GAK: variants seen among roughly 807,000 people sequenced by gnomAD.
GAK encodes cyclin G associated kinase, also known as cyclin-G-associated kinase.
In GAK, 79 loss-of-function variants were observed where a neutral mutation model predicts 143.9. That is an observed-to-expected ratio of 0.55 (90% CI 0.46 to 0.66). GAK has a LOEUF of 0.66. Ranked by LOEUF, GAK falls within the 30% of genes least tolerant of loss-of-function variation. The pLI is 0.00. For missense variants in GAK, 1,693 were observed against 1,779.7 expected (o/e 0.95, Z 0.88); for synonymous variants, 881 against 765.5 (o/e 1.15, Z -2.49).
Position 849,791 on chromosome 4 carries a change from G to GTGTAA in GAK, c.3835-22_3835-18dup, listed in dbSNP as rs754453426. ...CCCCGCAGCCTATGGGTGACAGGCG[G>GTGTAA]TGTAAGCGCCTCTTATAAGCATGCG... On this transcript the variant is annotated splice_polypyrimidine_tract_variant and intron_variant, in intron 27 of 27. Transcript: ENST00000314167. The GTGTAA allele has an allele frequency of 3.1e-6, 5 of 1,601,954 alleles. No homozygotes were observed. In the South Asian group the frequency reaches 5.5e-5, roughly 18 times the overall value.
intron 21 of GAK, 118 bp from the exon 22 acceptor site, chr4:866,652 G>T: frequency 2.7e-6 from 3 of 1,129,108 alleles, no homozygotes; most frequent in Non-Finnish European, 2.5e-6. Flanking sequence ...CAGACCCCAC[G>T]GCTGCCCTCG....
At chr4:925,529 A>G (rs1263203722) in intron 1 of GAK, among the ~76,000 whole-genome samples, 2 of 152,162 alleles carry the variant, frequency 1.3e-5, no homozygotes, top group African/African-American at 2.4e-5. Flanking sequence ...ACATACCAAC[A>G]TTTTCAATAC....
intron 1 of GAK, among the ~76,000 whole-genome samples, chr4:930,322 T>A (rs936094810): frequency 1.8e-4 from 28 of 152,124 alleles, no homozygotes; most frequent in Non-Finnish European, 3.7e-4. Context: ...TATTTTTATC[T>A]CCTGACTTGC....
intron 5 of GAK, among the ~76,000 whole-genome samples, 186 bp from the exon 6 acceptor site, chr4:898,344 G>A (rs1560392018): frequency 6.6e-6 from 1 of 152,238 alleles, no homozygotes; most frequent in East Asian, 1.9e-4. Flanking sequence ...AGCAGCTCGG[G>A]GTGCAGGGGC....
chr4:856,176 GC>G (rs1302948998), intron 24 of GAK, among the ~76,000 whole-genome samples: 1 of 135,830 alleles, frequency 7.4e-6, no homozygotes, highest in African/African-American at 2.6e-5. Flanking sequence ...CACCACAGCT[GC>G]TCACACCTGC....
At chr4:856,961 A>G (rs1749404400) in intron 24 of GAK, among the ~76,000 whole-genome samples, 1 of 152,180 alleles carries the variant, frequency 6.6e-6, no homozygotes, top group Non-Finnish European at 1.5e-5. Context: ...AAAGGTGCTG[A>G]CTTTCTGAAT....
At chr4:908,586 C>T (rs566696714) in intron 4 of GAK, among the ~76,000 whole-genome samples, 8 of 145,026 alleles carry the variant, frequency 5.5e-5, no homozygotes, top group South Asian at 4.8e-4. Flanking sequence ...TGTTCAAGAC[C>T]GGCCTGGCAA....
In GAK at chr4:868,561, G is replaced by A. The variant is rs1711554934; in HGVS notation, c.2373C>T (p.Phe791=). The change falls in exon 20 of 28, where the codon TTC becomes TTT. Residue 791 remains phenylalanine, a synonymous_variant. Transcript: ENST00000314167. ...TACCCTGCCAGTCCAGCGTGTGCAG[G>A]AAGCGACTGGCGTCCGCGCTGCTGC... is the stretch of plus-strand genomic sequence containing the variant. ...PPSSSADASR[F]LHTLDWQEEK... 2 of 1,608,068 alleles carry A rather than the reference G, an allele frequency of 1.2e-6. No homozygotes were observed. The highest frequency in any genetic ancestry group is 1.7e-6 in the Non-Finnish European group (2 of 1,178,282).
intron 1 of GAK, among the ~76,000 whole-genome samples, chr4:923,547 T>C (rs933479981): frequency 1.3e-5 from 2 of 152,158 alleles, no homozygotes; most frequent in South Asian, 4.1e-4. Flanking sequence ...TGGTGGTGCG[T>C]GCCTGTGGTC....
At chr4:866,885 G>T in intron 21 of GAK, 71 bp downstream of exon 21, 1 of 1,154,310 alleles carries the variant, frequency 8.7e-7, no homozygotes, top group Non-Finnish European at 1.2e-6. Context: ...ACACGCCCAT[G>T]CAGTGAGAAT....
intron 4 of GAK, among the ~76,000 whole-genome samples, chr4:910,281 C>T (rs1161142140): frequency 6.6e-6 from 1 of 152,056 alleles, no homozygotes; most frequent in Non-Finnish European, 1.5e-5. Context: ...GGGACACCTA[C>T]CCTCAGCCCT....
chr4:854,864 TG>T (rs1748856543), intron 24 of GAK, among the ~76,000 whole-genome samples: 1 of 152,112 alleles, frequency 6.6e-6, no homozygotes, highest in Non-Finnish European at 1.5e-5. Flanking sequence ...ACTAACACGG[TG>T]AAACCCCATC....
At chr4:906,016 G>A (rs1372737739) in intron 4 of GAK, among the ~76,000 whole-genome samples, 3 of 152,234 alleles carry the variant, frequency 2.0e-5, no homozygotes, top group Non-Finnish European at 2.9e-5. Flanking sequence ...CAACAACCGC[G>A]TCAGCATCCC....
intron 11 of GAK, among the ~76,000 whole-genome samples, chr4:885,206 G>C (rs916542687): frequency 4.6e-5 from 7 of 152,194 alleles, no homozygotes; most frequent in Non-Finnish European, 8.8e-5. Context: ...CTGACGCTTG[G>C]CCACTTTTGC....
intron 18 of GAK, 57 bp downstream of exon 18, chr4:876,473 G>A: frequency 6.7e-7 from 1 of 1,483,528 alleles, no homozygotes; most frequent in Non-Finnish European, 9.4e-7. Flanking sequence ...CCACATGCAG[G>A]TGCTGCGGCA....
At chr4:897,184 C>T (rs942114264) in intron 6 of GAK, among the ~76,000 whole-genome samples, 2 of 152,196 alleles carry the variant, frequency 1.3e-5, no homozygotes, top group Non-Finnish European at 2.9e-5. Context: ...GACACACAAA[C>T]CCCATCCTCA....
At chr4:883,959 C>A in intron 12 of GAK, 78 bp downstream of exon 12, 1 of 1,367,524 alleles carries the variant, frequency 7.3e-7, no homozygotes, top group South Asian at 1.2e-5. Flanking sequence ...GCACCTGTGC[C>A]CTGACACACA....
chr4:914,557 G>A (rs1283160634), intron 1 of GAK, among the ~76,000 whole-genome samples: 12 of 77,672 alleles, frequency 1.5e-4, no homozygotes, highest in Admixed American at 4.6e-4. Context: ...GCCCCAGCGT[G>A]CACGGCCCCC....
rs559608599 is a variant in GAK at position 928,952 on chromosome 4, G to A, written c.145+3091C>T. 7.2e-5 allele frequency among the ~76,000 whole-genome samples: 11 copies of A among 152,128 alleles called. No individual in the cohort carries two copies. The South Asian group carries it at 1.7e-3, about 23-fold the overall frequency. ...CTAATTTTGTATTTTTAGTAGAGAC[G>A]GGTTTCCCCGTGTTGCCCAGGCTGA... is the stretch of plus-strand genomic sequence containing the variant. On this transcript the variant is annotated intron_variant, in intron 1 of 27. Coordinates refer to ENST00000314167, the MANE Select transcript of GAK (RefSeq NM_005255.4).
Sources: allele counts gnomAD v4.1 joint callset (sites outside exome capture counted in the v4.1 genomes callset), GRCh38; gene constraint gnomAD v4.1.1; transcripts MANE v1.5; gene names NCBI Gene and HGNC (gene_info 2026-07-23, HGNC 2026-07-21).